Variants in LPGAT1 observed in about 807,000 individuals in gnomAD.
The protein encoded by LPGAT1 is acyl-CoA:lysophosphatidylglycerol acyltransferase 1.
In LPGAT1, 11 loss-of-function variants were observed where a neutral mutation model predicts 47.5. The ratio of observed to expected loss-of-function variants is 0.23; its 90% CI spans 0.15 to 0.38. LPGAT1 has a LOEUF of 0.38. Ranked by LOEUF, LPGAT1 falls within the 10% of genes least tolerant of loss-of-function variation. The pLI is 1.00. For missense variants in LPGAT1, 293 were observed against 439.0 expected (o/e 0.67, Z 2.97); for synonymous variants, 138 against 144.2 (o/e 0.96, Z 0.31).
chr1:211,784,997 A>C (rs150408510), intron 4 of LPGAT1, among the ~76,000 whole-genome samples: 1 of 151,466 alleles, frequency 6.6e-6, no homozygotes, highest in African/African-American at 2.4e-5. Context: ...TAGAGATGGG[A>C]TTTCACCGTG....
intron 2 of LPGAT1, among the ~76,000 whole-genome samples, chr1:211,813,198 C>A (rs1308123826): frequency 1.3e-5 from 2 of 152,146 alleles, no homozygotes; most frequent in Non-Finnish European, 2.9e-5. Flanking sequence ...GAATATAACT[C>A]AATATTCATT....
Position 211,743,684 on chromosome 1 carries a change from A to C in LPGAT1, c.*6215T>G, listed in dbSNP as rs1656837348. The C allele has an allele frequency of 6.6e-6, 1 of 152,220 alleles. No homozygotes were observed. The highest frequency in any genetic ancestry group is 6.5e-5 in the Admixed American group (1 of 15,280). 9.4% of individuals were successfully genotyped at this position (152,220 alleles called of 1,614,324 possible). A position where few individuals can be genotyped will look rare whatever the true frequency, so the allele number is the denominator to read the frequency against. ...CTCATGAGGAATAGGGCTGGTCAGC[A>C]ATAGATCTCTGAGTGCTTCCAATTT... On this transcript the variant is annotated 3_prime_UTR_variant, in exon 8 of 8. Transcript: ENST00000366997.
rs987746102 is a variant in LPGAT1, at chr1:211,792,965, C to T, written c.357+107G>A. The T allele has an allele frequency of 1.8e-5, 12 of 674,876 alleles. 1 individual carries two copies. The highest frequency in any genetic ancestry group is 8.9e-5 in the East Asian group (3 of 33,578). 41.8% of individuals were successfully genotyped at this position (674,876 alleles called of 1,614,324 possible). On this transcript the variant is annotated intron_variant, in intron 3 of 7. Transcript: ENST00000366997. Reference sequence around the variant, plus strand: ...GACCTCATGATCCACCCACCTCAGCCTCCCAAAGTGCTGGGATTACAGACA... The same window carrying T: ...GACCTCATGATCCACCCACCTCAGCTTCCCAAAGTGCTGGGATTACAGACA...
chr1:211,793,736 GTC>G (rs1167519780), intron 2 of LPGAT1, among the ~76,000 whole-genome samples: 1 of 152,010 alleles, frequency 6.6e-6, no homozygotes, highest in Non-Finnish European at 1.5e-5. Flanking sequence ...CCCAGCTATG[GTC>G]ATACCTTTGA....
chr1:211,809,360 C>T (rs187117802), intron 2 of LPGAT1, among the ~76,000 whole-genome samples: 42 of 152,274 alleles, frequency 2.8e-4, no homozygotes, highest in African/African-American at 8.7e-4. Context: ...TAAATAACTC[C>T]TTTCATTTAT....
At chr1:211,821,129 G>A (rs1215921349) in intron 2 of LPGAT1, among the ~76,000 whole-genome samples, 19 of 152,290 alleles carry the variant, frequency 1.2e-4, no homozygotes, top group African/African-American at 4.6e-4. Context: ...GGTGGTGCAT[G>A]CCTGTAATCC....
chr1:211,785,032 T>A (rs1278730799), intron 4 of LPGAT1, among the ~76,000 whole-genome samples: 1 of 152,150 alleles, frequency 6.6e-6, no homozygotes, highest in Non-Finnish European at 1.5e-5. Context: ...CTCGATCTCC[T>A]GACCTTGTGA....
chr1:211,811,675 T>TGG (rs1439207613), intron 2 of LPGAT1, among the ~76,000 whole-genome samples: 3 of 152,146 alleles, frequency 2.0e-5, no homozygotes, highest in African/African-American at 7.2e-5. Context: ...AAGAATTGCT[T>TGG]GAACCTGGGA....
At chr1:211,821,000 A>G (rs77406998) in intron 2 of LPGAT1, among the ~76,000 whole-genome samples, 3,366 of 152,314 alleles carry the variant, frequency 0.022, 125 homozygotes, top group African/African-American at 0.076. Context: ...CTGGCTTCAT[A>G]TAACATTTAA....
chr1:211,809,923 C>T (rs1357822411), intron 2 of LPGAT1, among the ~76,000 whole-genome samples: 1 of 152,064 alleles, frequency 6.6e-6, no homozygotes, highest in Non-Finnish European at 1.5e-5. Flanking sequence ...TAAAGGATTA[C>T]ACCAAATTGC....
At chr1:211,799,050 A>C (rs1447794897) in intron 2 of LPGAT1, among the ~76,000 whole-genome samples, 2 of 152,158 alleles carry the variant, frequency 1.3e-5, no homozygotes, top group African/African-American at 2.4e-5. Context: ...AAACCTCCTA[A>C]TACATACTTC....
At chr1:211,800,476 C>T (rs1327515324) in intron 2 of LPGAT1, among the ~76,000 whole-genome samples, 1 of 152,090 alleles carries the variant, frequency 6.6e-6, no homozygotes, top group Non-Finnish European at 1.5e-5. Flanking sequence ...TCAGAAACAC[C>T]ACTGTCAAGC....
intron 2 of LPGAT1, among the ~76,000 whole-genome samples, chr1:211,800,343 T>A (rs929929096): frequency 3.3e-5 from 5 of 152,000 alleles, no homozygotes; most frequent in Admixed American, 6.6e-5. Context: ...ACCATTCTAA[T>A]CCAAGCCACC....
At chr1:211,807,599 C>T (rs1436836046) in intron 2 of LPGAT1, among the ~76,000 whole-genome samples, 1 of 152,088 alleles carries the variant, frequency 6.6e-6, no homozygotes, top group Non-Finnish European at 1.5e-5. Flanking sequence ...CTGAAATAGA[C>T]TACGTAAGTA....
At chr1:211,773,664 C>T (rs201143223) in intron 6 of LPGAT1, among the ~76,000 whole-genome samples, 1 of 152,280 alleles carries the variant, frequency 6.6e-6, no homozygotes, top group East Asian at 1.9e-4. Context: ...TTACTTTTGC[C>T]TTTACCCCTA....
At chr1:211,821,798 A>G (rs758775943) in intron 2 of LPGAT1, among the ~76,000 whole-genome samples, 7 of 152,330 alleles carry the variant, frequency 4.6e-5, no homozygotes, top group Non-Finnish European at 7.4e-5. Context: ...TATTAAAGTA[A>G]TAAGACTGAA....
intron 6 of LPGAT1, among the ~76,000 whole-genome samples, chr1:211,752,794 A>T (rs114399332): frequency 1.9e-4 from 27 of 143,140 alleles, no homozygotes; most frequent in South Asian, 4.5e-4. Context: ...CTGACTTCCA[A>T]TTTTTGGAAT....
intron 3 of LPGAT1, among the ~76,000 whole-genome samples, chr1:211,789,926 T>C (rs559781257): frequency 6.6e-6 from 1 of 151,968 alleles, no homozygotes; most frequent in Admixed American, 6.6e-5. Flanking sequence ...CTTTGTTTCA[T>C]ATTCTTCAAA....
Position 211,779,002 on chromosome 1 carries a change from A to G in LPGAT1, c.770T>C (p.Ile257Thr). 1 of 1,608,808 alleles carries G rather than the reference A, an allele frequency of 6.2e-7. No homozygotes were observed. Among genetic ancestry groups the G allele is most frequent in the Non-Finnish European group, 8.5e-7 (1 of 1,178,484 alleles). ...TATAGGTTCAGCTTTGGGATAAGCT[A>G]TCGTTGTATCTATTATCCACTGGAG... Reference protein sequence around the residue: ...KGLQWIIDTTIAYPKAEPIDI... With the variant: ...KGLQWIIDTTTAYPKAEPIDI... Residue 257 changes from isoleucine to threonine, a missense_variant, in exon 6 of 8, where the codon ATA becomes ACA. Coordinates refer to ENST00000366997, the MANE Select transcript of LPGAT1 (RefSeq NM_014873.3).
Sources: gnomAD v4.1 joint callset for allele counts (sites outside exome capture counted in the v4.1 genomes callset) on GRCh38, gnomAD v4.1.1 for gene constraint, MANE v1.5 for transcripts, NCBI Gene and HGNC (gene_info 2026-07-23, HGNC 2026-07-21) for gene names.